Variants in CDC42BPB observed in about 807,000 individuals in gnomAD.
CDC42BPB encodes serine/threonine-protein kinase MRCK beta.
Under a neutral mutation model 214.9 loss-of-function variants are expected in CDC42BPB, and 37 were observed. The observed-to-expected ratio is 0.17, with a 90% CI of 0.13 to 0.23. The LOEUF (loss-of-function observed/expected upper bound fraction) is 0.23, where lower values mean the gene tolerates loss of function less well. Among genes scored for constraint, CDC42BPB ranks in the 10% least tolerant of loss-of-function variants. The pLI is 1.00. For synonymous variants in CDC42BPB, 931 were observed against 884.0 expected (o/e 1.05, Z -0.94); for missense variants, 1,694 against 2,227.0 (o/e 0.76, Z 4.82).
chr14:102,958,054 G>A (rs1249606230), intron 21 of CDC42BPB, among the ~76,000 whole-genome samples: 3 of 152,214 alleles, frequency 2.0e-5, no homozygotes, highest in Non-Finnish European at 2.9e-5. Context: ...GGAACAGATG[G>A]GGAACTGTTC....
At position 102,956,533 on chromosome 14, in the gene CDC42BPB, C is replaced by T. The variant is rs1045994607; in HGVS notation, c.2902-1845G>A. On this transcript the variant is annotated intron_variant, in intron 21 of 36. Coordinates refer to ENST00000361246, the MANE Select transcript of CDC42BPB (RefSeq NM_006035.4). ...ACAATAAATGCCTTCCCATTTAAATCACAGAGGGATTAGCGGCCAGGCACG... is the reference window on the plus strand; with the variant it reads ...ACAATAAATGCCTTCCCATTTAAATTACAGAGGGATTAGCGGCCAGGCACG... 1.4e-5 allele frequency: 6 copies of T among 438,852 alleles called. No homozygotes were observed. In the East Asian group the frequency reaches 9.4e-4, roughly 68 times the overall value. The allele number at this position is 438,852 out of a possible 1,614,324, so 27.2% of individuals were successfully genotyped here.
At chr14:102,953,357 C>A (rs942651496) in intron 23 of CDC42BPB, among the ~76,000 whole-genome samples, 1 of 152,234 alleles carries the variant, frequency 6.6e-6, no homozygotes, top group East Asian at 1.9e-4. Context: ...GAGTGACACA[C>A]CAGCACTCTG....
intron 1 of CDC42BPB, among the ~76,000 whole-genome samples, chr14:103,012,773 C>T (rs1886229549): frequency 6.6e-6 from 1 of 152,078 alleles, no homozygotes; most frequent in African/African-American, 2.4e-5. Flanking sequence ...CCACTGCACT[C>T]CAGTCTGGGC....
In CDC42BPB at chr14:102,949,403, C is replaced by A. The variant is rs34740374; in HGVS notation, c.3449+362G>T. Among the ~76,000 whole-genome samples the A allele has an allele frequency of 2.0e-4, 30 of 152,226 alleles. No homozygotes were observed. The East Asian group carries it at 5.4e-3, about 28-fold the overall frequency. On this transcript the variant is annotated intron_variant, in intron 26 of 36. Coordinates refer to ENST00000361246, the MANE Select transcript of CDC42BPB (RefSeq NM_006035.4). ...CCAGCACCTGCTGCGGTCTCTAAAA[C>A]GCACAGACGGCTGTGGGCCGCGTGG...
At chr14:103,010,239 A>T (rs1213183879) in intron 2 of CDC42BPB, among the ~76,000 whole-genome samples, 6 of 152,198 alleles carry the variant, frequency 3.9e-5, no homozygotes, top group Admixed American at 1.3e-4. Context: ...GTGAGCTGTG[A>T]TCATGCCAGC....
At chr14:103,053,707 A>T (rs1421406981) in intron 1 of CDC42BPB, among the ~76,000 whole-genome samples, 1 of 150,040 alleles carries the variant, frequency 6.7e-6, no homozygotes, top group Admixed American at 6.7e-5. Flanking sequence ...GCTTGCAGTG[A>T]GCCGAGATCC....
intron 1 of CDC42BPB, among the ~76,000 whole-genome samples, chr14:103,027,680 C>T (rs147322273): frequency 3.6e-4 from 55 of 152,238 alleles, no homozygotes; most frequent in Non-Finnish European, 7.2e-4. Context: ...TCCATAGAGA[C>T]AAAAAGTATA....
At chr14:103,037,907 T>C (rs1015549413) in intron 1 of CDC42BPB, among the ~76,000 whole-genome samples, 3 of 151,822 alleles carry the variant, frequency 2.0e-5, no homozygotes, top group Non-Finnish European at 2.9e-5. Context: ...CGGGCGCCTA[T>C]AGTCCCAGCT....
intron 5 of CDC42BPB, among the ~76,000 whole-genome samples, chr14:102,998,065 C>T (rs2139587704): frequency 6.6e-6 from 1 of 152,206 alleles, no homozygotes; most frequent in Admixed American, 6.5e-5. Context: ...GAGGCAGAGG[C>T]TATAGTGAGT....
intron 5 of CDC42BPB, 104 bp downstream of exon 5, chr14:102,999,461 C>T (rs1894882682): frequency 4.4e-6 from 5 of 1,141,246 alleles, no homozygotes; most frequent in South Asian, 1.4e-5. Context: ...AGTGGGGACT[C>T]GCTACCTACA....
In CDC42BPB at chr14:103,004,486, A is replaced by G. The variant is rs2139611441; in HGVS notation, c.352-463T>C. On this transcript the variant is annotated intron_variant, in intron 3 of 36. Transcript: ENST00000361246. This position sits in a 1 kb window ranked among gnomAD's most constrained non-coding sequence, Gnocchi z 5.3. ...CACACGTTTGCTGAAATCACAGTATAGTGATGACACAATTGTCACAGATTC... is the reference window on the plus strand; with the variant it reads ...CACACGTTTGCTGAAATCACAGTATGGTGATGACACAATTGTCACAGATTC... Among the ~76,000 whole-genome samples, 5 of 152,340 alleles carry G rather than the reference A, an allele frequency of 3.3e-5. No homozygotes were observed. The Middle Eastern group carries it at 0.017, about 518-fold the overall frequency.
rs1035981661 is a variant in CDC42BPB at position 103,057,391 on chromosome 14, C to T, written c.-218G>A. On this transcript the variant is annotated 5_prime_UTR_variant, in exon 1 of 37. Transcript: ENST00000361246. ...GCGCCGGGCCCCGCGGGTCCATGGG[C>T]CGCTCTCCTCCCCTCGGCGCCGCCG... 5 of 881,628 alleles carry T rather than the reference C, an allele frequency of 5.7e-6. No homozygotes were observed. The African/African-American group carries it at 9.2e-5, about 16-fold the overall frequency. 54.6% of individuals were successfully genotyped at this position (881,628 alleles called of 1,614,324 possible). A position where few individuals can be genotyped will look rare whatever the true frequency, so the allele number is the denominator to read the frequency against.
intron 6 of CDC42BPB, among the ~76,000 whole-genome samples, chr14:102,984,589 G>T (rs866402411): frequency 6.6e-6 from 1 of 152,090 alleles, no homozygotes; most frequent in Non-Finnish European, 1.5e-5. Flanking sequence ...TCTGCAGAAA[G>T]CTGCGAGGGC....
At chr14:103,027,956 C>G (rs1314150475) in intron 1 of CDC42BPB, among the ~76,000 whole-genome samples, 1 of 152,128 alleles carries the variant, frequency 6.6e-6, no homozygotes, top group Non-Finnish European at 1.5e-5. Flanking sequence ...ATAGTGAAAC[C>G]CCATCTCTAC....
chr14:103,056,904 G>T, intron 1 of CDC42BPB, 95 bp downstream of exon 1: 1 of 877,238 alleles, frequency 1.1e-6, no homozygotes, highest in Non-Finnish European at 1.6e-6. Context: ...GGGCGGCAGG[G>T]TCTGTCCGGG....
intron 1 of CDC42BPB, among the ~76,000 whole-genome samples, chr14:103,025,619 A>G (rs1180337769): frequency 1.3e-5 from 2 of 151,920 alleles, no homozygotes; most frequent in East Asian, 3.9e-4. Flanking sequence ...GACGTTCAAG[A>G]CTAGCCTGGC....
At chr14:103,017,272 T>C (rs1886519125) in intron 1 of CDC42BPB, among the ~76,000 whole-genome samples, 1 of 152,142 alleles carries the variant, frequency 6.6e-6, no homozygotes, top group African/African-American at 2.4e-5. Flanking sequence ...CAGTGAGCTG[T>C]GTTTGCACCA....
At chr14:102,991,058 T>C (rs1475682203) in intron 5 of CDC42BPB, among the ~76,000 whole-genome samples, 2 of 152,230 alleles carry the variant, frequency 1.3e-5, no homozygotes, top group Non-Finnish European at 2.9e-5. Flanking sequence ...ACTAAATCTC[T>C]GGAGGAAATT....
chr14:102,997,777 C>T (rs374394969), intron 5 of CDC42BPB, among the ~76,000 whole-genome samples: 22 of 152,352 alleles, frequency 1.4e-4, no homozygotes, highest in East Asian at 7.7e-4. Context: ...GTCATAGTTA[C>T]GCAGTCACAG....
Sources: gnomAD v4.1 joint callset for allele counts (sites outside exome capture counted in the v4.1 genomes callset) on GRCh38, gnomAD v4.1.1 for gene constraint, Gnocchi (gnomAD v3.1) non-coding constraint, MANE v1.5 for transcripts, NCBI Gene and HGNC (gene_info 2026-07-23, HGNC 2026-07-21) for gene names.